Variants in C3orf70 observed in about 807,000 individuals in gnomAD.
C3orf70 encodes the protein chromosome 3 open reading frame 70.
C3orf70 carries 15 observed loss-of-function variants against 20.7 expected under a neutral mutation model. The ratio of observed to expected loss-of-function variants is 0.72; its 90% CI spans 0.48 to 1.11. C3orf70 has a LOEUF of 1.11. C3orf70 is among the 50% of genes most tolerant of loss of function. The pLI, the probability that C3orf70 is intolerant of heterozygous loss-of-function variation, is 0.00. For missense variants in C3orf70, 332 were observed against 317.6 expected (o/e 1.05, Z -0.34); for synonymous variants, 161 against 125.7 (o/e 1.28, Z -1.88).
At chr3:185,142,486 G>A (rs1478764335) in intron 1 of C3orf70, among the ~76,000 whole-genome samples, 1 of 152,168 alleles carries the variant, frequency 6.6e-6, no homozygotes, top group Non-Finnish European at 1.5e-5. Context: ...GGTACAGTTA[G>A]AGAACCTCTT....
intron 1 of C3orf70, among the ~76,000 whole-genome samples, chr3:185,099,477 A>G (rs987444309): frequency 2.6e-5 from 4 of 152,246 alleles, no homozygotes; most frequent in East Asian, 3.8e-4. Context: ...ACTAAGCTTC[A>G]TAAGTGAAGG....
chr3:185,124,448 C>T (rs1405364831), intron 1 of C3orf70, among the ~76,000 whole-genome samples: 1 of 152,134 alleles, frequency 6.6e-6, no homozygotes, highest in Non-Finnish European at 1.5e-5. Context: ...ACTTCCAATA[C>T]AGCTATGGTA....
intron 1 of C3orf70, among the ~76,000 whole-genome samples, chr3:185,140,163 T>A (rs746063772): frequency 1.3e-5 from 2 of 152,198 alleles, no homozygotes; most frequent in Non-Finnish European, 2.9e-5. Flanking sequence ...CCACATTTGG[T>A]TGTAAAACCC....
At chr3:185,092,968 C>T (rs562799672) in intron 1 of C3orf70, among the ~76,000 whole-genome samples, 8 of 141,290 alleles carry the variant, frequency 5.7e-5, no homozygotes, top group East Asian at 2.1e-4. Context: ...TCTAGCCTGG[C>T]GACAAAGCAA....
intron 1 of C3orf70, among the ~76,000 whole-genome samples, chr3:185,105,881 T>C (rs1163302202): frequency 6.6e-6 from 1 of 152,058 alleles, no homozygotes; most frequent in Non-Finnish European, 1.5e-5. Flanking sequence ...AAGTGTGGGG[T>C]GTGGTTTGTT....
intron 1 of C3orf70, among the ~76,000 whole-genome samples, chr3:185,093,004 A>G (rs1208174508): frequency 6.6e-6 from 1 of 151,652 alleles, no homozygotes; most frequent in African/African-American, 2.4e-5. Flanking sequence ...AAAAAAAAAA[A>G]AAGAAAGGGA....
intron 1 of C3orf70, among the ~76,000 whole-genome samples, chr3:185,111,953 T>C (rs181491797): frequency 5.3e-5 from 8 of 152,268 alleles, no homozygotes; most frequent in African/African-American, 1.9e-4. Flanking sequence ...GAAGTAAGCA[T>C]TTAAACAAAG....
At position 185,152,976 on chromosome 3, in the gene C3orf70, G is replaced by C; in HGVS notation, c.-153C>G. 10 of 536,436 alleles carry C rather than the reference G, an allele frequency of 1.9e-5. No individual in the cohort carries two copies. The highest frequency in any genetic ancestry group is 2.5e-5 in the Non-Finnish European group (9 of 367,316). 33.2% of individuals were successfully genotyped at this position (536,436 alleles called of 1,614,324 possible). A position where few individuals can be genotyped will look rare whatever the true frequency, so the allele number is the denominator to read the frequency against. On this transcript the variant is annotated 5_prime_UTR_variant, in exon 1 of 2. Coordinates refer to ENST00000335012, the MANE Select transcript of C3orf70 (RefSeq NM_001025266.3). ...CGGCGGCGGGAGCGCGGCGGTCCCA[G>C]GCTCGAGGAGGAGCCGCCCCGGGCG...
chr3:185,107,220 GC>G (rs1715963141), intron 1 of C3orf70, among the ~76,000 whole-genome samples: 1 of 152,200 alleles, frequency 6.6e-6, no homozygotes, highest in Admixed American at 6.5e-5. Flanking sequence ...AGTTGGTAAA[GC>G]CCCTGAAGTA....
chr3:185,092,047 C>T (rs1244054295), intron 1 of C3orf70, among the ~76,000 whole-genome samples: 1 of 147,378 alleles, frequency 6.8e-6, no homozygotes, highest in Non-Finnish European at 1.5e-5. Flanking sequence ...GATCCACCTG[C>T]CTCGGCCTCC....
At chr3:185,106,766 A>G (rs2108594405) in intron 1 of C3orf70, among the ~76,000 whole-genome samples, 1 of 152,346 alleles carries the variant, frequency 6.6e-6, no homozygotes, top group East Asian at 1.9e-4. Flanking sequence ...CCCCGCAAAA[A>G]GTTCCAACAG....
rs79368567 is a variant in C3orf70 at position 185,091,550 on chromosome 3, G to A, written c.197-7987C>T. The stretch of plus-strand genomic sequence containing the variant: ...GAGGCTGCTACAGATTTTTAAGCAT[G>A]AGGTTCTAAGTCCCATGGCTTAGAA... On this transcript the variant is annotated intron_variant, in intron 1 of 1. Transcript: ENST00000335012. Among the ~76,000 whole-genome samples the A allele has an allele frequency of 2.4e-4, 36 of 152,148 alleles. No homozygotes were observed. The East Asian group carries it at 4.7e-3, about 20-fold the overall frequency.
chr3:185,111,943 G>C (rs1716081235), intron 1 of C3orf70, among the ~76,000 whole-genome samples: 1 of 152,180 alleles, frequency 6.6e-6, no homozygotes, highest in Non-Finnish European at 1.5e-5. Context: ...ATGCATAAAT[G>C]AAGTAAGCAT....
At chr3:185,140,382 C>T (rs1716726501) in intron 1 of C3orf70, among the ~76,000 whole-genome samples, 1 of 151,814 alleles carries the variant, frequency 6.6e-6, no homozygotes, top group African/African-American at 2.4e-5. Flanking sequence ...TTAAAAAATC[C>T]AATTAGAAAA....
At chr3:185,090,102 A>AT (rs1473613922) in intron 1 of C3orf70, among the ~76,000 whole-genome samples, 1 of 152,166 alleles carries the variant, frequency 6.6e-6, no homozygotes. Flanking sequence ...TTTCCTCAGG[A>AT]AGATACCCAT....
At chr3:185,138,343 A>G (rs1716669171) in intron 1 of C3orf70, among the ~76,000 whole-genome samples, 1 of 152,132 alleles carries the variant, frequency 6.6e-6, no homozygotes, top group Non-Finnish European at 1.5e-5. Context: ...AAAATTTAAT[A>G]CCAGTTCTGC....
At chr3:185,150,924 T>C (rs1463066746) in intron 1 of C3orf70, among the ~76,000 whole-genome samples, 1 of 152,236 alleles carries the variant, frequency 6.6e-6, no homozygotes, top group East Asian at 1.9e-4. Context: ...AGTCATTCAA[T>C]GAACATTATT....
chr3:185,103,658 A>T (rs1169685750), intron 1 of C3orf70, among the ~76,000 whole-genome samples: 2 of 152,174 alleles, frequency 1.3e-5, no homozygotes, highest in Non-Finnish European at 2.9e-5. Flanking sequence ...TCTCACACTG[A>T]GGGAGAAGAA....
At chr3:185,105,330 C>T (rs763645149) in intron 1 of C3orf70, among the ~76,000 whole-genome samples, 9 of 152,292 alleles carry the variant, frequency 5.9e-5, no homozygotes, top group Middle Eastern at 3.4e-3. Context: ...TGTGGGTTCA[C>T]GGGAATGAGG....
Sources: allele counts gnomAD v4.1 joint callset (sites outside exome capture counted in the v4.1 genomes callset), GRCh38; gene constraint gnomAD v4.1.1; transcripts MANE v1.5; gene names NCBI Gene and HGNC (gene_info 2026-07-23, HGNC 2026-07-21).